PPFIA1: variants seen among roughly 807,000 people sequenced by gnomAD.
PPFIA1 encodes PPFI scaffold protein A1.
Under a neutral mutation model 149.9 loss-of-function variants are expected in PPFIA1, and 25 were observed. The observed-to-expected ratio is 0.17, with a 90% CI of 0.12 to 0.23. PPFIA1 has a LOEUF of 0.23. Ranked by LOEUF, PPFIA1 falls within the 10% of genes least tolerant of loss-of-function variation. The pLI is 1.00. For missense variants in PPFIA1, 1,362 were observed against 1,506.5 expected, an observed-to-expected ratio of 0.90 and a Z score of 1.59; for synonymous variants, 549 against 552.8, an observed-to-expected ratio of 0.99 and a Z score of 0.10.
At chr11:70,349,272 T>G (rs1228553917) in intron 16 of PPFIA1, among the ~76,000 whole-genome samples, 1 of 152,080 alleles carries the variant, frequency 6.6e-6, no homozygotes, top group Non-Finnish European at 1.5e-5. Context: ...ACCTCTCACC[T>G]GGAAATGCAA....
chr11:70,329,090 G>A (rs1396897799), intron 7 of PPFIA1, among the ~76,000 whole-genome samples: 4 of 152,094 alleles, frequency 2.6e-5, no homozygotes, highest in Non-Finnish European at 1.5e-5. Context: ...TTGTATGAGA[G>A]TTCATCCAAC....
At position 70,356,279 on chromosome 11, in the gene PPFIA1, C is replaced by T. The variant is rs752595124; in HGVS notation, c.2582+25C>T. 9 of 1,571,394 alleles carry T rather than the reference C, an allele frequency of 5.7e-6. No individual in the cohort carries two copies. In the South Asian group the frequency reaches 1.0e-4, roughly 17 times the overall value. On this transcript the variant is annotated intron_variant, in intron 19 of 27. Coordinates refer to ENST00000253925, the MANE Select transcript of PPFIA1 (RefSeq NM_003626.5). Reference sequence around the variant, plus strand: ...AGTAAGCTTTGTGTTATTTCTTCATCTCATTGAATGGTTTTCAGTTGTGCC... The same window carrying T: ...AGTAAGCTTTGTGTTATTTCTTCATTTCATTGAATGGTTTTCAGTTGTGCC...
chr11:70,272,320 C>G lies in PPFIA1; in HGVS notation c.148C>G (p.Leu50Val). Residue 50 changes from leucine to valine, a missense_variant, in exon 2 of 28, where the codon CTT (leucine) becomes GTT (valine). By Grantham distance (32) the Leu-to-Val change is conservative. Around this residue, in one of 7 missense-constraint regions of PPFIA1, gnomAD observed 100 missense variants for 106.2 expected, o/e 0.94. Transcript: ENST00000253925. ...CTCCATGCTAGAAGAAAGGGACCGC[C>G]TTCTTGATACACTGAGAGAGACTCA... ...MVSMLEERDR[L>V]LDTLRETQET... is the part of the protein sequence containing the mutation. 6.2e-7 allele frequency: 1 copy of G among 1,614,204 alleles called. No homozygotes were observed. Among genetic ancestry groups the G allele is most frequent in the Non-Finnish European group, 8.5e-7 (1 of 1,180,030 alleles).
intron 2 of PPFIA1, among the ~76,000 whole-genome samples, chr11:70,316,411 AGTGAAGTTTT>A (rs1480110758): frequency 6.6e-6 from 1 of 152,200 alleles, no homozygotes; most frequent in Non-Finnish European, 1.5e-5. Context: ...TATTCCACTG[AGTGAAGTTTT>A]ATTTCATTTT....
At chr11:70,277,034 T>TGA (rs1341027412) in intron 2 of PPFIA1, among the ~76,000 whole-genome samples, 19 of 101,182 alleles carry the variant, frequency 1.9e-4, no homozygotes, top group Non-Finnish European at 2.8e-4. Flanking sequence ...TTTGTTTGAT[T>TGA]GAGATATATA....
chr11:70,346,112 A>G, intron 15 of PPFIA1: 1 of 324,010 alleles, frequency 3.1e-6, no homozygotes, highest in South Asian at 2.3e-5. Context: ...GTAGAATGGA[A>G]TCCAAGAATT....
At chr11:70,372,144 C>G in intron 21 of PPFIA1, 71 bp from the exon 22 acceptor site, 1 of 1,377,786 alleles carries the variant, frequency 7.3e-7, no homozygotes, top group Non-Finnish European at 9.8e-7. Flanking sequence ...ATTAAAAATT[C>G]ATTTTAAAAA....
intron 2 of PPFIA1, among the ~76,000 whole-genome samples, chr11:70,276,987 A>G (rs1300797024): frequency 2.2e-5 from 2 of 91,974 alleles, no homozygotes; most frequent in African/African-American, 8.8e-5. Context: ...TTTGTTTTCT[A>G]TTGCATTAAT....
intron 2 of PPFIA1, among the ~76,000 whole-genome samples, chr11:70,278,577 A>G (rs1373876158): frequency 6.6e-6 from 1 of 152,200 alleles, no homozygotes; most frequent in Non-Finnish European, 1.5e-5. Flanking sequence ...TTTATCCACC[A>G]GAGTGGAAAT....
chr11:70,331,436 C>T (rs904748852), intron 8 of PPFIA1, among the ~76,000 whole-genome samples: 40 of 151,986 alleles, frequency 2.6e-4, no homozygotes, highest in African/African-American at 8.0e-4. Flanking sequence ...AGGTGTTTTG[C>T]ACATTGAAAC....
Position 70,372,516 on chromosome 11 carries a change from A to G in PPFIA1, c.3081A>G (p.Leu1027=). The G allele has an allele frequency of 6.2e-7, 1 of 1,614,018 alleles. No homozygotes were observed. Among genetic ancestry groups the G allele is most frequent in the Non-Finnish European group, 8.5e-7 (1 of 1,179,880 alleles). ...FQCGIMCLRR[L]NYDRKELERK... ...GTGGAATTATGTGCCTGAGAAGGTT[A>G]AATTATGACCGGAAAGAACTGGAAA... Residue 1027 remains leucine (L), a synonymous_variant, in exon 23 of 28, where the codon TTA becomes TTG. Coordinates refer to ENST00000253925, the MANE Select transcript of PPFIA1 (RefSeq NM_003626.5).
intron 21 of PPFIA1, chr11:70,367,658 C>A (rs1276101510): frequency 2.2e-5 from 10 of 454,042 alleles, no homozygotes; most frequent in Middle Eastern, 6.2e-4. Flanking sequence ...GAGCCTGATC[C>A]TTCTGGGAGT....
rs373950779 is a variant in PPFIA1, at chr11:70,326,321, C to A, written c.666C>A (p.Asp222Glu). The change falls in exon 6 of 28, where the codon GAC becomes GAA. Residue 222 changes from aspartate to glutamate, a missense_variant. Coordinates refer to ENST00000253925, the MANE Select transcript of PPFIA1 (RefSeq NM_003626.5). ...QKKTLTDGVL[D>E]INHEQENTPS... ...AAACTCTAACAGATGGAGTGCTGGA[C>A]ATAAACCATGAACAAGAAAATACAC... 12 of 1,609,874 alleles carry A rather than the reference C, an allele frequency of 7.5e-6. No individual in the cohort carries two copies. The highest frequency in any genetic ancestry group is 9.3e-6 in the Non-Finnish European group (11 of 1,177,290).
At chr11:70,278,436 C>T (rs1460880040) in intron 2 of PPFIA1, among the ~76,000 whole-genome samples, 1 of 152,156 alleles carries the variant, frequency 6.6e-6, no homozygotes, top group African/African-American at 2.4e-5. Flanking sequence ...GTTTTTTTAG[C>T]TCGCTTCCTT....
intron 2 of PPFIA1, chr11:70,278,806 A>G (rs2050568805): frequency 2.8e-6 from 1 of 354,902 alleles, no homozygotes; most frequent in Admixed American, 4.4e-5. Flanking sequence ...AATTACAGAA[A>G]GGCAGAATTG....
chr11:70,371,275 T>C (rs532805957), intron 21 of PPFIA1: 23 of 10,362 alleles, frequency 2.2e-3, no homozygotes, highest in African/African-American at 5.8e-3. Context: ...TTTAAGTATG[T>C]TGAGATTTGT....
rs1378827467 is a variant in PPFIA1, at chr11:70,383,462, T to C, written c.*472T>C. The C allele has an allele frequency of 5.8e-6, 1 of 172,804 alleles. No individual in the cohort carries two copies. The highest frequency in any genetic ancestry group is 1.2e-5 in the Non-Finnish European group (1 of 82,466). 10.7% of individuals were successfully genotyped at this position (172,804 alleles called of 1,614,324 possible). A position where few individuals can be genotyped will look rare whatever the true frequency, so the allele number is the denominator to read the frequency against. ...ATTATGACAGAAGCCATGTGCATTA[T>C]CCTTTACGGACGCAGCCTAGCTCTA... On this transcript the variant is annotated 3_prime_UTR_variant, in exon 28 of 28. Coordinates refer to ENST00000253925, the MANE Select transcript of PPFIA1 (RefSeq NM_003626.5).
intron 14 of PPFIA1, 113 bp downstream of exon 14, chr11:70,339,419 C>G (rs540587725): frequency 5.0e-6 from 6 of 1,209,580 alleles, no homozygotes; most frequent in Non-Finnish European, 6.9e-6. Flanking sequence ...TCTTGCCCTC[C>G]TCTCATTTTC....
chr11:70,361,089 G>C (rs1268656812), intron 19 of PPFIA1, among the ~76,000 whole-genome samples: 1 of 152,234 alleles, frequency 6.6e-6, no homozygotes, highest in African/African-American at 2.4e-5. Context: ...CGGGGATTCT[G>C]TAGAGAGTCA....
Sources: gnomAD v4.1 joint callset for allele counts (sites outside exome capture counted in the v4.1 genomes callset) on GRCh38, gnomAD v4.1.1 for gene constraint, gnomAD v4.1.1 regional missense constraint, MANE v1.5 for transcripts, NCBI Gene and HGNC (gene_info 2026-07-23, HGNC 2026-07-21) for gene names.